Variants in GALNT13 observed in about 807,000 individuals in gnomAD.
The protein encoded by GALNT13 is polypeptide N-acetylgalactosaminyltransferase 13.
In GALNT13, 28 loss-of-function variants were observed where a neutral mutation model predicts 64.2. The observed-to-expected ratio is 0.44, with a 90% confidence interval of 0.32 to 0.60. GALNT13 has a LOEUF of 0.60. Among genes scored for constraint, GALNT13 ranks in the 20% least tolerant of loss-of-function variants. The pLI, the probability that GALNT13 is intolerant of heterozygous loss-of-function variation, is 0.05. For missense variants in GALNT13, 577 were observed against 669.8 expected (o/e 0.86, Z 1.53); for synonymous variants, 214 against 224.6 (o/e 0.95, Z 0.42).
At chr2:153,468,082 T>C in the GALNT13 span, among the ~76,000 whole-genome samples, 1 of 151,950 alleles carries the variant, frequency 6.6e-6, no homozygotes, top group East Asian at 1.9e-4. Context: ...CCAGGTAACC[T>C]AGACTCTAAG....
intron 3 of GALNT13, among the ~76,000 whole-genome samples, chr2:154,000,279 C>T (rs1292838377): frequency 6.6e-5 from 10 of 151,106 alleles, no homozygotes; most frequent in Admixed American, 6.6e-4. Context: ...GTTCATCGGT[C>T]TCTTATACGT....
At chr2:153,270,815 G>A in the GALNT13 span, among the ~76,000 whole-genome samples, 1 of 152,110 alleles carries the variant, frequency 6.6e-6, no homozygotes, top group African/African-American at 2.4e-5. Context: ...TGGTGCCACT[G>A]CACTCAGCCT....
the GALNT13 span, among the ~76,000 whole-genome samples, chr2:153,364,502 A>G: frequency 6.1e-3 from 928 of 152,320 alleles, 11 homozygotes; most frequent in African/African-American, 0.021. Context: ...TCTCAGCCCA[A>G]AGACTTCATA....
At chr2:153,886,838 A>G (rs1276952031) in intron 1 of GALNT13, among the ~76,000 whole-genome samples, 1 of 152,046 alleles carries the variant, frequency 6.6e-6, no homozygotes, top group Non-Finnish European at 1.5e-5. Context: ...ACCTTTTAGC[A>G]TATTAACTTC....
At chr2:153,483,269 T>A in the GALNT13 span, among the ~76,000 whole-genome samples, 1 of 152,152 alleles carries the variant, frequency 6.6e-6, no homozygotes, top group African/African-American at 2.4e-5. Context: ...CAGGGATATG[T>A]ATATTACTGT....
intron 9 of GALNT13, among the ~76,000 whole-genome samples, chr2:154,336,322 C>G (rs2105209827): frequency 6.6e-6 from 1 of 152,196 alleles, no homozygotes; most frequent in South Asian, 2.1e-4. Context: ...ACTCAGTGAT[C>G]ATCAGGAATA....
chr2:154,371,713 C>T (rs1389429224), intron 9 of GALNT13, among the ~76,000 whole-genome samples: 1 of 150,934 alleles, frequency 6.6e-6, no homozygotes, highest in African/African-American at 2.4e-5. Context: ...TGGTTTGCAC[C>T]TATACTCTGA....
the GALNT13 span, among the ~76,000 whole-genome samples, chr2:153,845,334 A>G: frequency 2.0e-5 from 3 of 152,198 alleles, no homozygotes; most frequent in South Asian, 6.2e-4. Flanking sequence ...GGCCTCAGAA[A>G]GCTTACAATC....
At chr2:154,198,718 A>C (rs931362280) in intron 4 of GALNT13, among the ~76,000 whole-genome samples, 2 of 152,016 alleles carry the variant, frequency 1.3e-5, no homozygotes, top group African/African-American at 4.8e-5. Context: ...ATAAAAAGTA[A>C]AATGACCCAG....
At chr2:153,818,676 T>C in the GALNT13 span, among the ~76,000 whole-genome samples, 1 of 152,098 alleles carries the variant, frequency 6.6e-6, no homozygotes, top group African/African-American at 2.4e-5. Flanking sequence ...CCTGCAACAG[T>C]GAAGTGGGAG....
intron 8 of GALNT13, chr2:154,287,322 G>T: frequency 1.6e-6 from 1 of 629,056 alleles, no homozygotes; most frequent in Non-Finnish European, 2.9e-6. Context: ...TGATTGAGCT[G>T]TGTAAGTTGG....
chr2:153,130,168 A>C, the GALNT13 span, among the ~76,000 whole-genome samples: 2 of 152,186 alleles, frequency 1.3e-5, no homozygotes, highest in East Asian at 3.9e-4. Flanking sequence ...CCTGCCCTGG[A>C]CAAGGCATCA....
At chr2:154,292,899 G>A (rs13006938) in intron 8 of GALNT13, among the ~76,000 whole-genome samples, 30,502 of 152,088 alleles carry the variant, frequency 0.2, 3,770 homozygotes, top group Admixed American at 0.32. Context: ...TGATGTGGGT[G>A]CCAAAAATCA....
the GALNT13 span, among the ~76,000 whole-genome samples, chr2:153,631,589 G>T: frequency 6.6e-6 from 1 of 152,084 alleles, no homozygotes; most frequent in South Asian, 2.1e-4. Context: ...TCATGTATCT[G>T]TTGGCTGCAT....
At chr2:154,429,691 A>G (rs1227812586) in intron 11 of GALNT13, among the ~76,000 whole-genome samples, 4 of 152,230 alleles carry the variant, frequency 2.6e-5, no homozygotes, top group East Asian at 1.9e-4. Flanking sequence ...ACAGCACCCA[A>G]TTGGAAGAAG....
intron 11 of GALNT13, among the ~76,000 whole-genome samples, chr2:154,424,150 C>T (rs1700372862): frequency 6.6e-6 from 1 of 152,050 alleles, no homozygotes. Context: ...AAAAAAGGAG[C>T]ATGGATTGGA....
the GALNT13 span, among the ~76,000 whole-genome samples, chr2:153,719,944 T>A: frequency 6.6e-6 from 1 of 152,126 alleles, no homozygotes; most frequent in Non-Finnish European, 1.5e-5. Context: ...AAGCTCAAAC[T>A]GGGTGGAGCC....
the GALNT13 span, among the ~76,000 whole-genome samples, chr2:153,661,978 A>T: frequency 6.6e-6 from 1 of 152,152 alleles, no homozygotes; most frequent in Non-Finnish European, 1.5e-5. Flanking sequence ...CTGCCAAGAA[A>T]ATGTGTACTC....
At chr2:153,419,690 T>C in the GALNT13 span, among the ~76,000 whole-genome samples, 1 of 152,172 alleles carries the variant, frequency 6.6e-6, no homozygotes, top group African/African-American at 2.4e-5. Context: ...ACTACATGAA[T>C]GCATGTAAAA....
Sources: gnomAD v4.1 joint callset for allele counts (sites outside exome capture counted in the v4.1 genomes callset) on GRCh38, gnomAD v4.1.1 for gene constraint, MANE v1.5 for transcripts, NCBI Gene and HGNC (gene_info 2026-07-23, HGNC 2026-07-21) for gene names.